Variants in ADGB observed in about 807,000 individuals in gnomAD.
ADGB encodes calpain-7-like protein.
ADGB carries 172 observed loss-of-function variants against 210.5 expected under a neutral mutation model. The ratio of observed to expected loss-of-function variants is 0.82; its 90% CI spans 0.72 to 0.93. ADGB has a LOEUF of 0.93. Among genes scored for constraint, ADGB ranks in the 40% least tolerant of loss-of-function variants. The pLI, the probability that ADGB is intolerant of heterozygous loss-of-function variation, is 0.00. For synonymous variants in ADGB, 658 were observed against 662.7 expected, an observed-to-expected ratio of 0.99 and a Z score of 0.11; for missense variants, 2,025 against 1,964.8, an observed-to-expected ratio of 1.03 and a Z score of -0.58.
At chr6:146,747,240 C>A (rs1435282425) in intron 26 of ADGB, among the ~76,000 whole-genome samples, 1 of 152,172 alleles carries the variant, frequency 6.6e-6, no homozygotes, top group Non-Finnish European at 1.5e-5. Context: ...ATATACACTT[C>A]TCTGCACAGA....
chr6:146,809,423 C>A (rs1032608762), intron 35 of ADGB, among the ~76,000 whole-genome samples: 1 of 152,130 alleles, frequency 6.6e-6, no homozygotes, highest in Non-Finnish European at 1.5e-5. Context: ...CCAGGCTGGT[C>A]TTGAACTCTT....
At chr6:146,703,361 G>A (rs533448666) in intron 13 of ADGB, among the ~76,000 whole-genome samples, 24 of 151,498 alleles carry the variant, frequency 1.6e-4, no homozygotes, top group Non-Finnish European at 3.1e-4. Flanking sequence ...ATTACTTCAC[G>A]TTCCTTTCAT....
intron 10 of ADGB, 34 bp from the exon 11 acceptor site, chr6:146,691,082 G>A (rs555065981): frequency 6.7e-6 from 10 of 1,483,506 alleles, no homozygotes; most frequent in Admixed American, 4.7e-5. Context: ...TTGAATGAAG[G>A]AGAATGCTTT....
chr6:146,649,841 T>A (rs527645726), intron 3 of ADGB, among the ~76,000 whole-genome samples: 1 of 152,184 alleles, frequency 6.6e-6, no homozygotes, highest in Non-Finnish European at 1.5e-5. Context: ...AAGATTTATA[T>A]GAACTTGAAA....
At chr6:146,650,214 T>G (rs1222217314) in intron 3 of ADGB, among the ~76,000 whole-genome samples, 1 of 152,214 alleles carries the variant, frequency 6.6e-6, no homozygotes, top group Non-Finnish European at 1.5e-5. Context: ...TCCTTTTGTC[T>G]TCTGTTTTAA....
intron 13 of ADGB, 104 bp downstream of exon 13, chr6:146,701,174 T>A: frequency 7.8e-7 from 1 of 1,280,362 alleles, no homozygotes; most frequent in Non-Finnish European, 1.1e-6. Flanking sequence ...ATAACATGGA[T>A]CTGAACAGTA....
intron 10 of ADGB, among the ~76,000 whole-genome samples, chr6:146,689,586 G>A (rs1407277339): frequency 6.6e-6 from 1 of 151,944 alleles, no homozygotes; most frequent in Non-Finnish European, 1.5e-5. Flanking sequence ...ACTAAAATTT[G>A]TTGCAATGGC....
At chr6:146,645,207 T>G (rs1405034024) in intron 3 of ADGB, among the ~76,000 whole-genome samples, 1 of 152,044 alleles carries the variant, frequency 6.6e-6, no homozygotes, top group East Asian at 1.9e-4. Flanking sequence ...ATTCATAGCA[T>G]GGAGGTCTGT....
chr6:146,721,566 G>C (rs1776815416), intron 17 of ADGB, 61 bp downstream of exon 17: 1 of 274,236 alleles, frequency 3.6e-6, no homozygotes, highest in Non-Finnish European at 5.4e-6. Context: ...GCTAGGGCGT[G>C]GTGGCTCACG....
At chr6:146,615,512 G>C (rs938569323) in intron 1 of ADGB, among the ~76,000 whole-genome samples, 8 of 152,096 alleles carry the variant, frequency 5.3e-5, no homozygotes, top group African/African-American at 1.9e-4. Flanking sequence ...ACTCTACTGT[G>C]CTATCAAACA....
chr6:146,813,539 T>G (rs1778334079), intron 35 of ADGB, among the ~76,000 whole-genome samples: 1 of 152,246 alleles, frequency 6.6e-6, no homozygotes, highest in Non-Finnish European at 1.5e-5. Flanking sequence ...CATTTTTGAT[T>G]GTTCTCTGCT....
intron 29 of ADGB, among the ~76,000 whole-genome samples, chr6:146,781,548 C>T (rs185918986): frequency 3.6e-4 from 54 of 150,550 alleles, no homozygotes; most frequent in Admixed American, 2.2e-3. Context: ...ATTACAAAGA[C>T]GTAAGATCAC....
intron 27 of ADGB, among the ~76,000 whole-genome samples, chr6:146,762,035 G>A (rs1441079090): frequency 6.6e-6 from 1 of 152,016 alleles, no homozygotes; most frequent in Non-Finnish European, 1.5e-5. Context: ...CCCATCATTG[G>A]ATTTAGGGCT....
intron 33 of ADGB, among the ~76,000 whole-genome samples, chr6:146,798,416 G>A (rs945875300): frequency 2.6e-5 from 4 of 152,070 alleles, no homozygotes; most frequent in African/African-American, 2.4e-5. Flanking sequence ...TAATACAAGC[G>A]GATTTCCTCA....
At chr6:146,681,764 A>T (rs1213220967) in intron 9 of ADGB, among the ~76,000 whole-genome samples, 2 of 152,156 alleles carry the variant, frequency 1.3e-5, no homozygotes, top group African/African-American at 4.8e-5. Flanking sequence ...TGCATCAAAT[A>T]TTGGACCTGC....
chr6:146,708,593 C>G (rs1202575705), intron 13 of ADGB, among the ~76,000 whole-genome samples: 2 of 152,054 alleles, frequency 1.3e-5, no homozygotes, highest in Non-Finnish European at 2.9e-5. Context: ...GAAATTATAA[C>G]TCCTTATTTG....
intron 2 of ADGB, among the ~76,000 whole-genome samples, 185 bp from the exon 3 acceptor site, chr6:146,644,588 T>C (rs909138611): frequency 6.6e-6 from 1 of 151,936 alleles, no homozygotes; most frequent in South Asian, 2.1e-4. Flanking sequence ...GTTAATTATA[T>C]ACAGTATTGT....
intron 17 of ADGB, among the ~76,000 whole-genome samples, chr6:146,722,398 G>A (rs1295528174): frequency 1.3e-5 from 2 of 152,034 alleles, no homozygotes; most frequent in Non-Finnish European, 2.9e-5. Context: ...CCACACATTT[G>A]CTCTTTTTAC....
At position 146,724,182 on chromosome 6, in the gene ADGB, A is replaced by G; in HGVS notation, c.2096-4A>G. 6.5e-7 allele frequency: 1 copy of G among 1,545,876 alleles called. No homozygotes were observed. Among genetic ancestry groups the G allele is most frequent in the Non-Finnish European group, 8.7e-7 (1 of 1,145,200 alleles). ...ACTTTAATACCTTTTTACTTATCTT[A>G]AAGCCTTAACAAAAGACAGTCCTCC... On this transcript the variant is annotated splice_polypyrimidine_tract_variant and splice_region_variant and intron_variant, in intron 17 of 35. Coordinates refer to ENST00000397944, the MANE Select transcript of ADGB (RefSeq NM_024694.4).
Sources: gnomAD v4.1 joint callset for allele counts (sites outside exome capture counted in the v4.1 genomes callset) on GRCh38, gnomAD v4.1.1 for gene constraint, MANE v1.5 for transcripts, NCBI Gene and HGNC (gene_info 2026-07-23, HGNC 2026-07-21) for gene names.